The following MAF variants were observed in gnomAD, a reference collection of about 807,000 sequenced individuals.
MAF encodes MAF bZIP transcription factor.
Under a neutral mutation model 22.0 loss-of-function variants are expected in MAF, and 10 were observed. That is an observed-to-expected ratio of 0.45 (90% CI 0.28 to 0.77). MAF has a LOEUF of 0.77. MAF is among the 30% of genes least tolerant of loss of function. The pLI, the probability that MAF is intolerant of heterozygous loss-of-function variation, is 0.12. For synonymous variants in MAF, 337 were observed against 255.8 expected (o/e 1.32, Z -3.03); for missense variants, 544 against 548.4 (o/e 0.99, Z 0.08).
chr16:79,542,091 T>A, the MAF span, among the ~76,000 whole-genome samples: 1 of 152,176 alleles, frequency 6.6e-6, no homozygotes, highest in Non-Finnish European at 1.5e-5. Context: ...AGCGTTTCAG[T>A]CTTTGGTGAC....
At chr16:79,410,057 G>A in the MAF span, among the ~76,000 whole-genome samples, 1 of 152,180 alleles carries the variant, frequency 6.6e-6, no homozygotes, top group African/African-American at 2.4e-5. Context: ...GTATGCACCT[G>A]TAACCACAGC....
chr16:79,281,738 G>T, the MAF span, among the ~76,000 whole-genome samples: 26 of 152,002 alleles, frequency 1.7e-4, no homozygotes, highest in South Asian at 5.2e-3. Context: ...GTAGAGACGG[G>T]GTTTGACCAT....
chr16:79,299,376 C>A, the MAF span, among the ~76,000 whole-genome samples: 1 of 151,256 alleles, frequency 6.6e-6, no homozygotes, highest in Non-Finnish European at 1.5e-5. Context: ...AAAAAACAAC[C>A]TTCCACTGTT....
the MAF span, among the ~76,000 whole-genome samples, chr16:79,381,139 T>A: frequency 6.6e-6 from 1 of 152,234 alleles, no homozygotes; most frequent in Non-Finnish European, 1.5e-5. Context: ...CAGCTAGAGA[T>A]CAATGATAAG....
At chr16:79,459,158 G>A in the MAF span, among the ~76,000 whole-genome samples, 16 of 152,250 alleles carry the variant, frequency 1.1e-4, no homozygotes, top group East Asian at 3.1e-3. Flanking sequence ...TTGATCAGAG[G>A]CAGAGCTGGG....
chr16:79,434,759 T>C, the MAF span, among the ~76,000 whole-genome samples: 7 of 152,102 alleles, frequency 4.6e-5, no homozygotes, highest in Non-Finnish European at 1.0e-4. Context: ...GAATAGGAAA[T>C]GATATAAATA....
At chr16:79,259,479 C>T in the MAF span, among the ~76,000 whole-genome samples, 1 of 152,166 alleles carries the variant, frequency 6.6e-6, no homozygotes, top group African/African-American at 2.4e-5. Context: ...TACTCCCCCA[C>T]CACTAGGAGG....
the MAF span, among the ~76,000 whole-genome samples, chr16:79,429,342 G>A: frequency 2.0e-5 from 3 of 152,168 alleles, no homozygotes; most frequent in Non-Finnish European, 2.9e-5. Context: ...CAAAGCAGAG[G>A]ACCGACGGAG....
At chr16:79,325,518 A>T in the MAF span, among the ~76,000 whole-genome samples, 2 of 151,824 alleles carry the variant, frequency 1.3e-5, no homozygotes, top group Non-Finnish European at 2.9e-5. Context: ...TTGAATGTGG[A>T]TGGGCTGTCT....
At chr16:79,587,927 T>C (rs1368859575) in intron 1 of MAF, among the ~76,000 whole-genome samples, 1 of 151,284 alleles carries the variant, frequency 6.6e-6, no homozygotes, top group Admixed American at 6.6e-5. Context: ...GCCATTGCAG[T>C]TTCTGTGTTC....
At chr16:79,371,410 C>T in the MAF span, among the ~76,000 whole-genome samples, 7 of 152,312 alleles carry the variant, frequency 4.6e-5, no homozygotes, top group Admixed American at 2.6e-4. Flanking sequence ...CTCAATGGGA[C>T]GAGTGTCTAG....
chr16:79,489,667 G>A, the MAF span, among the ~76,000 whole-genome samples: 1 of 152,106 alleles, frequency 6.6e-6, no homozygotes, highest in Non-Finnish European at 1.5e-5. Context: ...CCAAAGAGAT[G>A]GCCCGAGAAG....
the MAF span, among the ~76,000 whole-genome samples, chr16:79,461,881 C>T: frequency 6.6e-6 from 1 of 152,234 alleles, no homozygotes; most frequent in East Asian, 1.9e-4. Flanking sequence ...TTAGCAAAAC[C>T]AGCCCTACCA....
At chr16:79,438,013 G>A in the MAF span, among the ~76,000 whole-genome samples, 58 of 152,290 alleles carry the variant, frequency 3.8e-4, no homozygotes, top group South Asian at 0.012. Context: ...GGCTACTACT[G>A]AGCATATTTC....
the MAF span, among the ~76,000 whole-genome samples, chr16:79,223,861 GTAAT>G: frequency 2.6e-5 from 4 of 152,104 alleles, no homozygotes; most frequent in Non-Finnish European, 4.4e-5. Context: ...AATTGAGGGA[GTAAT>G]TAATAGCCTA....
At chr16:79,375,273 T>C in the MAF span, among the ~76,000 whole-genome samples, 1 of 152,182 alleles carries the variant, frequency 6.6e-6, no homozygotes, top group South Asian at 2.1e-4. Context: ...TCTGCCTACA[T>C]AAAAGGGTTC....
the MAF span, among the ~76,000 whole-genome samples, chr16:79,227,469 C>CT: frequency 6.6e-6 from 1 of 152,092 alleles, no homozygotes; most frequent in African/African-American, 2.4e-5. Context: ...CAACAAGAGA[C>CT]TTTTTTTCCA....
chr16:79,540,588 A>G, the MAF span, among the ~76,000 whole-genome samples: 3 of 152,206 alleles, frequency 2.0e-5, no homozygotes, highest in Non-Finnish European at 4.4e-5. Flanking sequence ...GGCATGGTCA[A>G]CTGGCTAGGA....
chr16:79,286,223 T>C, the MAF span, among the ~76,000 whole-genome samples: 1 of 152,186 alleles, frequency 6.6e-6, no homozygotes, highest in Admixed American at 6.5e-5. Context: ...CGTTTAGAAT[T>C]TACAGCATTC....
Sources: gnomAD v4.1 joint callset for allele counts (sites outside exome capture counted in the v4.1 genomes callset) on GRCh38, gnomAD v4.1.1 for gene constraint, MANE v1.5 for transcripts, NCBI Gene and HGNC (gene_info 2026-07-23, HGNC 2026-07-21) for gene names.